The following RIMS2 variants were observed in gnomAD, a reference collection of about 807,000 sequenced individuals.
RIMS2 encodes the protein regulating synaptic membrane exocytosis protein 2.
In RIMS2, 59 loss-of-function variants were observed where a neutral mutation model predicts 174.4. The ratio of observed to expected loss-of-function variants is 0.34; its 90% CI spans 0.27 to 0.42. The LOEUF (loss-of-function observed/expected upper bound fraction) is 0.42, where lower values mean the gene tolerates loss of function less well. Among genes scored for constraint, RIMS2 ranks in the 10% least tolerant of loss-of-function variants. The probability of loss-of-function intolerance (pLI) is 1.00; values close to 1 mark genes in which losing one functional copy is unlikely to be tolerated. For missense variants in RIMS2, 1,620 were observed against 1,666.3 expected, an observed-to-expected ratio of 0.97 and a Z score of 0.48; for synonymous variants, 606 against 572.5, an observed-to-expected ratio of 1.06 and a Z score of -0.84.
At chr8:103,979,567 G>T (rs140035931) in intron 16 of RIMS2, among the ~76,000 whole-genome samples, 1 of 152,286 alleles carries the variant, frequency 6.6e-6, no homozygotes, top group East Asian at 1.9e-4. Flanking sequence ...ATCTTCACTG[G>T]AATACCAAAT....
chr8:104,162,713 A>G (rs1545370), intron 19 of RIMS2, among the ~76,000 whole-genome samples: 41,448 of 152,086 alleles, frequency 0.27, 6,044 homozygotes, highest in South Asian at 0.44. Flanking sequence ...TAAATAGCCA[A>G]CAGGCATTGT....
At chr8:103,758,882 G>T (rs753398853) in intron 2 of RIMS2, among the ~76,000 whole-genome samples, 3 of 152,134 alleles carry the variant, frequency 2.0e-5, no homozygotes, top group Non-Finnish European at 4.4e-5. Flanking sequence ...TTAAATTTAG[G>T]CAAAGTGGTA....
At chr8:103,784,321 T>C (rs1257819311) in intron 3 of RIMS2, among the ~76,000 whole-genome samples, 2 of 150,612 alleles carry the variant, frequency 1.3e-5, no homozygotes, top group African/African-American at 4.9e-5. Flanking sequence ...GCTTTTGGTG[T>C]TTTAGTCATG....
chr8:103,939,020 T>A (rs1027440283), intron 13 of RIMS2, among the ~76,000 whole-genome samples: 1 of 152,168 alleles, frequency 6.6e-6, no homozygotes, highest in African/African-American at 2.4e-5. Flanking sequence ...GCGCTGAGTG[T>A]CTGTTGGTTT....
intron 19 of RIMS2, among the ~76,000 whole-genome samples, chr8:104,061,513 A>G (rs562642819): frequency 2.0e-5 from 3 of 151,852 alleles, no homozygotes; most frequent in African/African-American, 7.2e-5. Flanking sequence ...TAAGAAATCA[A>G]ATAGCATTTA....
At chr8:103,893,105 C>T (rs73697695) in intron 4 of RIMS2, among the ~76,000 whole-genome samples, 7,304 of 151,958 alleles carry the variant, frequency 0.048, 583 homozygotes, top group African/African-American at 0.16. Flanking sequence ...TTCAATATTT[C>T]AAGAGGGATA....
Position 103,584,440 on chromosome 8 carries a change from AT to A in RIMS2, c.176+83386del, listed in dbSNP as rs34372929. ...ATAGTAAGTACACAGAAAAACACAGATTTTTTTTAACACTATAACTGTGGTG... is the reference window on the plus strand; with the variant it reads ...ATAGTAAGTACACAGAAAAACACAGATTTTTTTAACACTATAACTGTGGTG... On this transcript the variant is annotated intron_variant, in intron 1 of 23. Coordinates refer to ENST00000504942, the Ensembl canonical transcript of RIMS2. 1.8e-4 allele frequency among the ~76,000 whole-genome samples: 27 copies of A among 146,540 alleles called. 1 individual carries two copies. Among genetic ancestry groups the A allele is most frequent in the South Asian group, 1.5e-3 (7 of 4,766 alleles).
chr8:104,034,207 A>G (rs916901591), intron 19 of RIMS2, among the ~76,000 whole-genome samples: 1 of 152,182 alleles, frequency 6.6e-6, no homozygotes, highest in African/African-American at 2.4e-5. Context: ...ACAATTTATA[A>G]TACCTGGGAA....
chr8:103,928,838 C>T (rs1005414546), intron 11 of RIMS2, among the ~76,000 whole-genome samples: 1 of 151,296 alleles, frequency 6.6e-6, no homozygotes, highest in Admixed American at 6.6e-5. Flanking sequence ...GGAACTATGT[C>T]AGGACCAGAA....
intron 16 of RIMS2, among the ~76,000 whole-genome samples, chr8:103,983,715 A>G (rs916144346): frequency 2.0e-5 from 3 of 152,136 alleles, no homozygotes; most frequent in African/African-American, 7.2e-5. Context: ...ATGAAACTTG[A>G]CCCCTATCTC....
chr8:103,672,923 C>G (rs981616665), intron 1 of RIMS2, among the ~76,000 whole-genome samples: 2 of 152,166 alleles, frequency 1.3e-5, no homozygotes, highest in African/African-American at 2.4e-5. Context: ...CCTGTAAAAT[C>G]AAACAAGTTA....
At chr8:104,122,475 C>T (rs1441620811) in intron 19 of RIMS2, among the ~76,000 whole-genome samples, 1 of 151,788 alleles carries the variant, frequency 6.6e-6, no homozygotes, top group East Asian at 1.9e-4. Context: ...ACATAGGAAG[C>T]AAAGGGAAAG....
Position 104,249,593 on chromosome 8 carries a change from A to G in RIMS2, c.3691+5A>G. 1 of 1,517,850 alleles carries G rather than the reference A, an allele frequency of 6.6e-7. No individual in the cohort carries two copies. Among genetic ancestry groups the G allele is most frequent in the South Asian group, 1.1e-5 (1 of 88,978 alleles). 94.0% of individuals were successfully genotyped at this position (1,517,850 alleles called of 1,614,324 possible). On this transcript the variant is annotated splice_donor_5th_base_variant and intron_variant, in intron 22 of 23. Coordinates refer to ENST00000504942, the Ensembl canonical transcript of RIMS2. ...CAGGTTCCAAGACACTGCCAGGTAA[A>G]AACAAAAGAGATTTTTCTATTATTG...
intron 4 of RIMS2, among the ~76,000 whole-genome samples, chr8:103,891,437 T>C (rs1203581535): frequency 2.0e-5 from 3 of 152,078 alleles, no homozygotes; most frequent in African/African-American, 7.2e-5. Flanking sequence ...GAACTTTTCA[T>C]TAGATATATT....
intron 1 of RIMS2, among the ~76,000 whole-genome samples, chr8:103,687,091 T>A (rs557866450): frequency 6.6e-6 from 1 of 152,182 alleles, no homozygotes; most frequent in African/African-American, 2.4e-5. Flanking sequence ...GTTTTAGATT[T>A]GAAAGGTTCT....
chr8:104,148,706 G>A (rs1320682118), intron 19 of RIMS2: 1 of 1,598,356 alleles, frequency 6.3e-7, no homozygotes, highest in Non-Finnish European at 8.5e-7. Context: ...CACTGGAGAA[G>A]AATGATGGCA....
chr8:103,806,616 T>TTGTG (rs754183766), intron 3 of RIMS2, among the ~76,000 whole-genome samples: 6 of 150,322 alleles, frequency 4.0e-5, no homozygotes, highest in Non-Finnish European at 5.9e-5. Flanking sequence ...TGATATTATT[T>TTGTG]TGTGTGTGTG....
At chr8:104,015,726 T>C (rs997449250) in intron 19 of RIMS2, among the ~76,000 whole-genome samples, 4 of 152,092 alleles carry the variant, frequency 2.6e-5, no homozygotes, top group African/African-American at 9.7e-5. Context: ...TTTCATAAAA[T>C]TTTTATGTAC....
At chr8:104,125,183 TG>T (rs2098418612) in intron 19 of RIMS2, among the ~76,000 whole-genome samples, 1 of 152,162 alleles carries the variant, frequency 6.6e-6, no homozygotes, top group Admixed American at 6.6e-5. Context: ...TCTCAGTTAT[TG>T]TAGCTGAATA....
Sources: allele counts gnomAD v4.1 joint callset (sites outside exome capture counted in the v4.1 genomes callset), GRCh38; gene constraint gnomAD v4.1.1; transcripts MANE v1.5; gene names NCBI Gene and HGNC (gene_info 2026-07-23, HGNC 2026-07-21).